Variants in RALGAPA1 observed in about 807,000 individuals in gnomAD.
RALGAPA1 encodes the protein ral GTPase-activating protein subunit alpha-1.
A neutral mutation model predicts 269.6 loss-of-function variants in RALGAPA1; 52 were observed. The ratio of observed to expected loss-of-function variants is 0.19; its 90% CI spans 0.15 to 0.24. The LOEUF (loss-of-function observed/expected upper bound fraction) is 0.24. Among genes scored for constraint, RALGAPA1 ranks in the 10% least tolerant of loss-of-function variants. The pLI, the probability that RALGAPA1 is intolerant of heterozygous loss-of-function variation, is 1.00. For missense variants in RALGAPA1, 1,917 were observed against 3,013.9 expected (o/e 0.64, Z 8.52); for synonymous variants, 817 against 1,008.3 (o/e 0.81, Z 3.60).
At chr14:35,800,542 G>A (rs995883073) in intron 1 of RALGAPA1, among the ~76,000 whole-genome samples, 3 of 152,138 alleles carry the variant, frequency 2.0e-5, no homozygotes, top group African/African-American at 4.8e-5. Flanking sequence ...GGAACTAAAT[G>A]AAAATGAAAA....
chr14:35,604,291 T>C (rs1158176885), intron 36 of RALGAPA1, among the ~76,000 whole-genome samples: 1 of 152,056 alleles, frequency 6.6e-6, no homozygotes. Context: ...TATACTGGGT[T>C]ATATTATATT....
chr14:35,711,009 T>C (rs574572127), intron 16 of RALGAPA1, among the ~76,000 whole-genome samples: 1 of 152,358 alleles, frequency 6.6e-6, no homozygotes, highest in East Asian at 1.9e-4. Flanking sequence ...TATATCCCCA[T>C]TTGTTAAATG....
At chr14:35,806,859 T>C (rs1008601232) in intron 1 of RALGAPA1, among the ~76,000 whole-genome samples, 3 of 152,212 alleles carry the variant, frequency 2.0e-5, no homozygotes, top group African/African-American at 7.2e-5. Flanking sequence ...CATTCTACTT[T>C]CTCTCATTCA....
At chr14:35,609,928 CAAAA>C (rs534206859) in intron 35 of RALGAPA1, among the ~76,000 whole-genome samples, 1 of 58,896 alleles carries the variant, frequency 1.7e-5, no homozygotes, top group Non-Finnish European at 3.4e-5. Context: ...ACCCTGTCTC[CAAAA>C]AAAAAAAAAA....
chr14:35,785,612 T>C (rs1356546366), intron 1 of RALGAPA1, among the ~76,000 whole-genome samples: 4 of 152,210 alleles, frequency 2.6e-5, no homozygotes, highest in African/African-American at 9.7e-5. Context: ...TTTTTTGTTT[T>C]GGTTTTTAAA....
intron 35 of RALGAPA1, among the ~76,000 whole-genome samples, chr14:35,613,087 CTT>C (rs957957202): frequency 2.1e-5 from 3 of 143,512 alleles, no homozygotes; most frequent in Admixed American, 6.9e-5. Flanking sequence ...GTATTTTATT[CTT>C]TTTTTTTTTT....
intron 31 of RALGAPA1, among the ~76,000 whole-genome samples, chr14:35,637,193 C>A (rs1177885749): frequency 6.6e-6 from 1 of 152,086 alleles, no homozygotes; most frequent in African/African-American, 2.4e-5. Context: ...TCAAGACCAT[C>A]CAGGAAAACA....
At position 35,664,514 on chromosome 14, in the gene RALGAPA1, G is replaced by A. The variant is rs1016038918; in HGVS notation, c.5328+128C>T. 11 of 740,194 alleles carry A rather than the reference G, an allele frequency of 1.5e-5. No individual in the cohort carries two copies. In the Admixed American group the frequency reaches 1.6e-4, roughly 11 times the overall value. The allele number at this position is 740,194 out of a possible 1,614,324, so 45.9% of individuals were successfully genotyped here. On this transcript the variant is annotated intron_variant, in intron 27 of 41. Coordinates refer to ENST00000680220, the MANE Select transcript of RALGAPA1 (RefSeq NM_001346249.2). The stretch of plus-strand genomic sequence containing the variant: ...GAACATTCAAGCCTTTGTGTCTGGA[G>A]GATATGGCTAATGTTCTTTAACAAT...
chr14:35,612,785 T>A (rs550722839), intron 35 of RALGAPA1, among the ~76,000 whole-genome samples: 1 of 152,098 alleles, frequency 6.6e-6, no homozygotes, highest in Non-Finnish European at 1.5e-5. Context: ...TGATCCGCCC[T>A]CCTTGGCCTC....
At chr14:35,805,977 C>T (rs2077348359) in intron 1 of RALGAPA1, among the ~76,000 whole-genome samples, 2 of 151,988 alleles carry the variant, frequency 1.3e-5, no homozygotes, top group Admixed American at 6.6e-5. Flanking sequence ...CATGAGCTAC[C>T]GCACCCAGCT....
At chr14:35,594,748 C>G (rs1486344255) in intron 37 of RALGAPA1, among the ~76,000 whole-genome samples, 1 of 150,710 alleles carries the variant, frequency 6.6e-6, no homozygotes, top group African/African-American at 2.4e-5. Context: ...TACGGAGGTT[C>G]TTAAAGAAAT....
intron 1 of RALGAPA1, among the ~76,000 whole-genome samples, chr14:35,797,041 C>A (rs1302240668): frequency 1.1e-4 from 17 of 152,068 alleles, no homozygotes; most frequent in African/African-American, 3.9e-4. Context: ...CCCACCTCAG[C>A]CTCCCGAAAG....
intron 10 of RALGAPA1, among the ~76,000 whole-genome samples, chr14:35,746,072 C>CA (rs894048047): frequency 2.0e-5 from 3 of 151,442 alleles, no homozygotes; most frequent in African/African-American, 7.3e-5. Context: ...GGCCCTGTTT[C>CA]AAAAAAACAA....
intron 37 of RALGAPA1, 137 bp from the exon 38 acceptor site, chr14:35,572,855 C>T: frequency 2.0e-6 from 1 of 504,242 alleles, no homozygotes; most frequent in East Asian, 3.3e-5. Context: ...ACATATGAAA[C>T]ACAAACACTC....
At chr14:35,741,545 G>A (rs1233063334) in intron 11 of RALGAPA1, among the ~76,000 whole-genome samples, 3 of 151,984 alleles carry the variant, frequency 2.0e-5, no homozygotes, top group Admixed American at 2.0e-4. Context: ...TTAGTATCCT[G>A]ACTAAATTCC....
At chr14:35,699,587 G>A (rs1181838276) in intron 17 of RALGAPA1, among the ~76,000 whole-genome samples, 1 of 152,018 alleles carries the variant, frequency 6.6e-6, no homozygotes, top group Non-Finnish European at 1.5e-5. Context: ...TCACAGAATG[G>A]TTTAAAAATG....
intron 37 of RALGAPA1, among the ~76,000 whole-genome samples, chr14:35,576,788 G>GT (rs1043696740): frequency 1.5e-4 from 23 of 152,168 alleles, no homozygotes; most frequent in African/African-American, 5.3e-4. Flanking sequence ...CATACAAATA[G>GT]TAAGTGGCAG....
At chr14:35,763,195 C>T (rs2073867799) in intron 4 of RALGAPA1, among the ~76,000 whole-genome samples, 1 of 142,516 alleles carries the variant, frequency 7.0e-6, no homozygotes, top group Non-Finnish European at 1.5e-5. Flanking sequence ...ATTAATATTT[C>T]CTTTTTTCTT....
rs146729635 is a variant in RALGAPA1, at chr14:35,634,158, G to C, written c.5995+416C>G. Among the ~76,000 whole-genome samples the C allele has an allele frequency of 1.5e-4, 23 of 152,156 alleles. No homozygotes were observed. In the East Asian group the frequency reaches 4.4e-3, roughly 29 times the overall value. ...TAATTTAGCCAGAAGTACATGTTGA[G>C]TATCCCTAATCTGAAAATCTGAAAT... On this transcript the variant is annotated intron_variant, in intron 33 of 41. Coordinates refer to ENST00000680220, the MANE Select transcript of RALGAPA1 (RefSeq NM_001346249.2).
Sources: allele counts gnomAD v4.1 joint callset (sites outside exome capture counted in the v4.1 genomes callset), GRCh38; gene constraint gnomAD v4.1.1; transcripts MANE v1.5; gene names NCBI Gene and HGNC (gene_info 2026-07-23, HGNC 2026-07-21).